Variants in PXN observed in about 807,000 individuals in gnomAD.
PXN encodes the protein paxillin, also known as testicular tissue protein Li 134.
In PXN, 61 loss-of-function variants were observed where a neutral mutation model predicts 103.6. That is an observed-to-expected ratio of 0.59 (90% CI 0.48 to 0.73). The LOEUF (loss-of-function observed/expected upper bound fraction) is 0.73, where lower values mean the gene tolerates loss of function less well. Ranked by LOEUF, PXN falls within the 30% of genes least tolerant of loss-of-function variation. The pLI is 0.00. For synonymous variants in PXN, 562 were observed against 607.8 expected, an observed-to-expected ratio of 0.92 and a Z score of 1.11; for missense variants, 1,274 against 1,460.3, an observed-to-expected ratio of 0.87 and a Z score of 2.08.
chr12:120,216,801 G>A lies in PXN; in HGVS notation c.1992+40C>T. ...GGAAGAACCCGGACCCCAGGTGCTTGGCTCTGGCCCAGCCCCAGCCATGGG... is the reference window on the plus strand; with the variant it reads ...GGAAGAACCCGGACCCCAGGTGCTTAGCTCTGGCCCAGCCCCAGCCATGGG... On this transcript the variant is annotated intron_variant, in intron 8 of 14. Coordinates refer to ENST00000637617, the MANE Select transcript of PXN (RefSeq NM_001385981.1). This position sits in a 1 kb window ranked among gnomAD's most constrained non-coding sequence, Gnocchi z 5.1. The A allele has an allele frequency of 6.4e-7, 1 of 1,568,982 alleles. No homozygotes were observed. The highest frequency in any genetic ancestry group is 8.5e-7 in the Non-Finnish European group (1 of 1,170,610).
At chr12:120,249,172 C>T (rs1266603287) in intron 1 of PXN, among the ~76,000 whole-genome samples, 1 of 151,996 alleles carries the variant, frequency 6.6e-6, no homozygotes, top group African/African-American at 2.4e-5. Context: ...AAATAAAAAT[C>T]CACAAAACCC....
rs1594351843 is a variant in PXN, at chr12:120,216,001, T to C, written c.2301+272A>G. 5.2e-6 allele frequency: 7 copies of C among 1,355,888 alleles called. No homozygotes were observed. In the Admixed American group the frequency reaches 1.2e-4, roughly 24 times the overall value. The allele number at this position is 1,355,888 out of a possible 1,614,324, so 84.0% of individuals were successfully genotyped here. On this transcript the variant is annotated intron_variant, in intron 9 of 14. Transcript: ENST00000637617. This position sits in a 1 kb window ranked among gnomAD's most constrained non-coding sequence, Gnocchi z 5.1. ...CTCCCTTCTGGAGTGGCTTCTTTCC[T>C]CGATGGGAGCCCGGGGCAGTACTGA...
chr12:120,237,608 A>G (rs1367943786), intron 1 of PXN, among the ~76,000 whole-genome samples: 5 of 152,160 alleles, frequency 3.3e-5, no homozygotes, highest in Non-Finnish European at 2.9e-5. Context: ...AGTGCTGAGA[A>G]GAAGTGGGGG....
At chr12:120,259,708 T>C (rs1893565062) in intron 1 of PXN, among the ~76,000 whole-genome samples, 1 of 152,056 alleles carries the variant, frequency 6.6e-6, no homozygotes, top group Non-Finnish European at 1.5e-5. Context: ...GAATGTACAC[T>C]CAAGGCCAGA....
At position 120,213,230 on chromosome 12, in the gene PXN, A is replaced by C. The variant is rs1880980178; in HGVS notation, c.2979+612T>G. On this transcript the variant is annotated intron_variant, in intron 14 of 14. Coordinates refer to ENST00000637617, the MANE Select transcript of PXN (RefSeq NM_001385981.1). This position sits in a 1 kb window ranked among gnomAD's most constrained non-coding sequence, Gnocchi z 4.2. The stretch of plus-strand genomic sequence containing the variant: ...CCCGTCTCTACTGAAAATACAAAAA[A>C]TTAGCCAGGCATGGGGGCGTGTGCC... 6.5e-6 allele frequency: 1 copy of C among 152,858 alleles called. No individual in the cohort carries two copies. Among genetic ancestry groups the C allele is most frequent in the African/African-American group, 2.4e-5 (1 of 41,454 alleles). 9.5% of individuals were successfully genotyped at this position (152,858 alleles called of 1,614,324 possible). A position where few individuals can be genotyped will look rare whatever the true frequency, so the allele number is the denominator to read the frequency against.
rs1003426944 is a variant in PXN, at chr12:120,212,724, C to T, written c.2980-144G>A. On this transcript the variant is annotated intron_variant, in intron 14 of 14. Transcript: ENST00000637617. This position sits in a 1 kb window ranked among gnomAD's most constrained non-coding sequence, Gnocchi z 7.2. ...TTCCCATGTGCCGTGTTGTCCTAAA[C>T]GCTCATTTTTCATTTTTATTTTATT... 20 of 876,496 alleles carry T rather than the reference C, an allele frequency of 2.3e-5. No individual in the cohort carries two copies. The highest frequency in any genetic ancestry group is 1.1e-4 in the South Asian group (5 of 45,344). 54.3% of individuals were successfully genotyped at this position (876,496 alleles called of 1,614,324 possible).
chr12:120,265,529 C>A lies in PXN; in HGVS notation c.13+88G>T. 1 of 1,406,570 alleles carries A rather than the reference C, an allele frequency of 7.1e-7. No individual in the cohort carries two copies. The allele number at this position is 1,406,570 out of a possible 1,614,324, so 87.1% of individuals were successfully genotyped here. ...AGGCCGGGGCCGCCGAGGGTGGGAT[C>A]CCGCGGCCCCTGCCGCTCGCTGGCG... On this transcript the variant is annotated intron_variant, in intron 1 of 14. Coordinates refer to ENST00000637617, the MANE Select transcript of PXN (RefSeq NM_001385981.1). The surrounding 1 kb of genome is among the most constrained non-coding windows in gnomAD (Gnocchi z 5.7).
intron 1 of PXN, among the ~76,000 whole-genome samples, chr12:120,249,670 T>C (rs1177869443): frequency 6.6e-6 from 1 of 152,168 alleles, no homozygotes; most frequent in Non-Finnish European, 1.5e-5. Context: ...CAGGAAGCCA[T>C]GACAACCGCC....
Position 120,219,908 on chromosome 12 carries a change from C to T in PXN, c.1015G>A (p.Gly339Ser). ...EFPCTEQSGR[G>S]LLPPVAPSWL... ...CTGGGGGCTACAGGAGGTAGAAGGC[C>T]TCGTCCACTCTGCTCAGTACAAGGG... is the stretch of plus-strand genomic sequence containing the variant. The change falls in exon 7 of 15, where the codon GGC becomes AGC. Residue 339 changes from glycine to serine, a missense_variant. Gly to Ser is a moderately conservative substitution (Grantham distance 56, BLOSUM62 0). This residue lies in a region of PXN where 1,178 missense variants were observed against 1,309.0 expected (regional missense o/e 0.90). Coordinates refer to ENST00000637617, the MANE Select transcript of PXN (RefSeq NM_001385981.1). This position sits in a 1 kb window ranked among gnomAD's most constrained non-coding sequence, Gnocchi z 6.5. 6.3e-7 allele frequency: 1 copy of T among 1,598,240 alleles called. No homozygotes were observed. The highest frequency in any genetic ancestry group is 1.7e-5 in the Admixed American group (1 of 60,018).
At chr12:120,236,837 C>T (rs758799295) in intron 1 of PXN, among the ~76,000 whole-genome samples, 10 of 151,988 alleles carry the variant, frequency 6.6e-5, no homozygotes, top group South Asian at 2.1e-4. Flanking sequence ...CAAGGTCTCA[C>T]TCTGTCACCC....
chr12:120,221,716 C>T lies in PXN; in HGVS notation c.738G>A (p.Gln246=). ...TVNQGEMSSP[Q]RVTSTQQQTR... is the part of the protein sequence containing the mutation. ...TCTGCTGTTGGGTGGAGGTGACGCG[C>T]TGCGGGCTGCTCATCTCGCCCTGGT... The change falls in exon 6 of 15, where the codon CAG becomes CAA. Residue 246 remains glutamine, a synonymous_variant. Transcript: ENST00000637617. The surrounding 1 kb of genome is among the most constrained non-coding windows in gnomAD (Gnocchi z 6.6). 1.9e-6 allele frequency: 3 copies of T among 1,572,380 alleles called. No homozygotes were observed. The highest frequency in any genetic ancestry group is 2.6e-6 in the Non-Finnish European group (3 of 1,159,276).
rs909148151 is a variant in PXN at position 120,213,944 on chromosome 12, G to A, written c.2877C>T (p.Phe959=). The change falls in exon 14 of 15, where the codon TTC becomes TTT. Residue 959 remains phenylalanine (F), a synonymous_variant. Coordinates refer to ENST00000637617, the MANE Select transcript of PXN (RefSeq NM_001385981.1). The surrounding 1 kb of genome is among the most constrained non-coding windows in gnomAD (Gnocchi z 4.2). ...DGKAYCRKDY[F]DMFAPKCGGC... ...CGCCACACTTGGGTGCGAACATGTCGAAGTAGTCCTTGCGACAGTAGGCCT... is the reference window on the plus strand; with the variant it reads ...CGCCACACTTGGGTGCGAACATGTCAAAGTAGTCCTTGCGACAGTAGGCCT... 19 of 1,612,388 alleles carry A rather than the reference G, an allele frequency of 1.2e-5. No homozygotes were observed. Among genetic ancestry groups the A allele is most frequent in the East Asian group, 2.2e-5 (1 of 44,898 alleles).
rs935321928 is a variant in PXN at position 120,223,610 on chromosome 12, G to A, written c.356+108C>T. The A allele has an allele frequency of 5.1e-6, 4 of 780,212 alleles. No homozygotes were observed. The African/African-American group carries it at 7.0e-5, about 14-fold the overall frequency. The allele number at this position is 780,212 out of a possible 1,614,324, so 48.3% of individuals were successfully genotyped here. On this transcript the variant is annotated intron_variant, in intron 3 of 14. Coordinates refer to ENST00000637617, the MANE Select transcript of PXN (RefSeq NM_001385981.1). ...AGCTTAAACCAGAATAACCCCACAA[G>A]GCCCAGTTGCTATGCCTGCTCCCGG...
chr12:120,221,547 A>T lies in PXN; in HGVS notation c.831+76T>A. On this transcript the variant is annotated intron_variant, in intron 6 of 14. Coordinates refer to ENST00000637617, the MANE Select transcript of PXN (RefSeq NM_001385981.1). This position sits in a 1 kb window ranked among gnomAD's most constrained non-coding sequence, Gnocchi z 6.6. ...AACACTGAGATGCCAAGATCCAGCT[A>T]CCCACACTGAGGTAAGGGAGGAGAA... 6.9e-7 allele frequency: 1 copy of T among 1,448,044 alleles called. No homozygotes were observed. The highest frequency in any genetic ancestry group is 9.3e-7 in the Non-Finnish European group (1 of 1,074,550). The allele number at this position is 1,448,044 out of a possible 1,614,324, so 89.7% of individuals were successfully genotyped here. A position where few individuals can be genotyped will look rare whatever the true frequency, so the allele number is the denominator to read the frequency against.
chr12:120,262,486 G>A (rs764512022), intron 1 of PXN, among the ~76,000 whole-genome samples: 6 of 152,204 alleles, frequency 3.9e-5, no homozygotes, highest in Non-Finnish European at 8.8e-5. Context: ...GGAATTGGAT[G>A]AGCCTGGGTT....
intron 7 of PXN, among the ~76,000 whole-genome samples, chr12:120,218,619 G>A (rs182502807): frequency 1.3e-5 from 2 of 151,964 alleles, no homozygotes; most frequent in African/African-American, 2.4e-5. Context: ...CAGGTGATCC[G>A]CCCGCCTCGG....
chr12:120,243,430 C>T (rs763593070), intron 1 of PXN, among the ~76,000 whole-genome samples: 4 of 152,118 alleles, frequency 2.6e-5, no homozygotes, highest in Non-Finnish European at 5.9e-5. Flanking sequence ...TGGCTCATGC[C>T]TGTAATCCAA....
Position 120,215,052 on chromosome 12 carries a change from C to T in PXN, c.2574+51G>A, listed in dbSNP as rs529657632. On this transcript the variant is annotated intron_variant, in intron 11 of 14. Transcript: ENST00000637617. This position sits in a 1 kb window ranked among gnomAD's most constrained non-coding sequence, Gnocchi z 4.9. ...GCCAAGGCCAGCCCCGGAGCACCCC[C>T]ACCCCTGCAGGAGTCCACTGGCCAC... The T allele has an allele frequency of 2.6e-4, 419 of 1,601,552 alleles. 3 individuals are homozygous for T. The South Asian group carries it at 4.5e-3, about 17-fold the overall frequency.
At position 120,213,796 on chromosome 12, in the gene PXN, C is replaced by G; in HGVS notation, c.2979+46G>C. On this transcript the variant is annotated intron_variant, in intron 14 of 14. Transcript: ENST00000637617. This position sits in a 1 kb window ranked among gnomAD's most constrained non-coding sequence, Gnocchi z 4.2. ...ACAATGAGGAAGACCCCTCTCTCCC[C>G]ACTGCCTGCTCCTCGCCCCTCCAGA... is the stretch of plus-strand genomic sequence containing the variant. 1 of 1,581,718 alleles carries G rather than the reference C, an allele frequency of 6.3e-7. No individual in the cohort carries two copies.
Sources: gnomAD v4.1 joint callset for allele counts (sites outside exome capture counted in the v4.1 genomes callset) on GRCh38, gnomAD v4.1.1 for gene constraint, gnomAD v4.1.1 regional missense constraint, Gnocchi (gnomAD v3.1) non-coding constraint, MANE v1.5 for transcripts, NCBI Gene and HGNC (gene_info 2026-07-23, HGNC 2026-07-21) for gene names.